The following GLI3 variants were observed in gnomAD, a reference collection of about 807,000 sequenced individuals.
The protein encoded by GLI3 is GLI family zinc finger 3.
Under a neutral mutation model 100.8 loss-of-function variants are expected in GLI3, and 20 were observed. The observed-to-expected ratio is 0.20, with a 90% CI of 0.14 to 0.29. GLI3 has a LOEUF of 0.29. Among genes scored for constraint, GLI3 ranks in the 10% least tolerant of loss-of-function variants. The probability of loss-of-function intolerance (pLI) is 1.00; values close to 1 mark genes in which losing one functional copy is unlikely to be tolerated. For missense variants in GLI3, 2,040 were observed against 2,128.5 expected (o/e 0.96, Z 0.82); for synonymous variants, 938 against 860.5 (o/e 1.09, Z -1.58).
At chr7:41,968,693 GA>G (rs1210102534) in intron 13 of GLI3, among the ~76,000 whole-genome samples, 5 of 112,138 alleles carry the variant, frequency 4.5e-5, no homozygotes, top group South Asian at 6.2e-4. Flanking sequence ...AAAGAAGAAA[GA>G]AAGAAAGAAA....
chr7:42,223,184 A>C lies in GLI3; in HGVS notation c.70T>G (p.Ser24Ala). ...TTCTCGCTCACATCTGTTCGAGTGG[A>C]GCACTTCACTATGGAATTCTCAACT... is the stretch of plus-strand genomic sequence containing the variant. ...KKVENSIVKC[S>A]TRTDVSEKAV... Residue 24 changes from serine to alanine, a missense_variant, in exon 2 of 15, where the codon TCC becomes GCC. Physicochemically the swap from Ser to Ala is moderately conservative, Grantham distance 99. Coordinates refer to ENST00000395925, the MANE Select transcript of GLI3 (RefSeq NM_000168.6). 1 of 1,613,880 alleles carries C rather than the reference A, an allele frequency of 6.2e-7. No individual in the cohort carries two copies. The highest frequency in any genetic ancestry group is 8.5e-7 in the Non-Finnish European group (1 of 1,179,828).
chr7:42,024,518 A>G (rs747887122), intron 9 of GLI3, among the ~76,000 whole-genome samples: 1 of 152,220 alleles, frequency 6.6e-6, no homozygotes, highest in African/African-American at 2.4e-5. Context: ...AAGCAGCCTG[A>G]TGACAGCAAG....
At chr7:42,115,103 T>G (rs1037800931) in intron 3 of GLI3, among the ~76,000 whole-genome samples, 9 of 151,940 alleles carry the variant, frequency 5.9e-5, no homozygotes, top group African/African-American at 2.2e-4. Flanking sequence ...GTAAACCTTT[T>G]TCTTGTGTTG....
In GLI3 at chr7:42,223,225, G is replaced by A; in HGVS notation, c.29C>T (p.Thr10Ile). MEAQSHSST[T>I]TEKKKVENSI... is the part of the protein sequence containing the mutation. ...ATTCTCAACTTTTTTCTTTTCAGTG[G>A]TCGTGGAGCTGTGGGACTGGGCCTC... is the stretch of plus-strand genomic sequence containing the variant. The change falls in exon 2 of 15, where the codon ACC (threonine) becomes ATC (isoleucine). Residue 10 changes from threonine to isoleucine, a missense_variant. Physicochemically the swap from Thr to Ile is moderately conservative, Grantham distance 89. Transcript: ENST00000395925. 6.2e-7 allele frequency: 1 copy of A among 1,613,464 alleles called. No homozygotes were observed. The highest frequency in any genetic ancestry group is 8.5e-7 in the Non-Finnish European group (1 of 1,179,618).
At chr7:42,218,947 A>T (rs558567873) in intron 2 of GLI3, among the ~76,000 whole-genome samples, 41 of 152,344 alleles carry the variant, frequency 2.7e-4, no homozygotes, top group Non-Finnish European at 4.6e-4. Flanking sequence ...TTGAAAAGTC[A>T]GTATTTGCAA....
intron 8 of GLI3, among the ~76,000 whole-genome samples, chr7:42,025,881 T>C (rs913252164): frequency 6.6e-6 from 1 of 152,152 alleles, no homozygotes; most frequent in African/African-American, 2.4e-5. Context: ...AGTGACCAAA[T>C]GAGAGCAATG....
intron 2 of GLI3, among the ~76,000 whole-genome samples, chr7:42,205,761 A>T (rs1201331634): frequency 6.6e-6 from 1 of 152,214 alleles, no homozygotes; most frequent in African/African-American, 2.4e-5. Context: ...TTTCCTACGT[A>T]TTTTCTTATA....
At chr7:42,141,042 G>A (rs1162613489) in intron 3 of GLI3, among the ~76,000 whole-genome samples, 1 of 152,126 alleles carries the variant, frequency 6.6e-6, no homozygotes, top group Non-Finnish European at 1.5e-5. Flanking sequence ...TAATTACATG[G>A]AATCTTTAAG....
At chr7:41,996,202 T>C (rs1788119326) in intron 10 of GLI3, among the ~76,000 whole-genome samples, 1 of 152,226 alleles carries the variant, frequency 6.6e-6, no homozygotes, top group Non-Finnish European at 1.5e-5. Flanking sequence ...TCCCTCTTTA[T>C]TTTGGTCTTG....
At chr7:42,237,402 C>T (rs1788831662), upstream of GLI3, among the ~76,000 whole-genome samples, 1 of 152,142 alleles carries the variant, frequency 6.6e-6, no homozygotes, top group Non-Finnish European at 1.5e-5. Context: ...TCCTGGCATC[C>T]AATCGACTTT....
At chr7:42,180,632 T>C (rs952274706) in intron 2 of GLI3, among the ~76,000 whole-genome samples, 1 of 152,150 alleles carries the variant, frequency 6.6e-6, no homozygotes, top group Non-Finnish European at 1.5e-5. Context: ...AGCCAAACAG[T>C]TCGAACAGCT....
At chr7:42,238,758 C>A (rs1300033296), upstream of GLI3, among the ~76,000 whole-genome samples, 1 of 152,078 alleles carries the variant, frequency 6.6e-6, no homozygotes, top group Admixed American at 6.5e-5. Context: ...AAGGAGTTCT[C>A]GGGGGGAAAC....
chr7:42,023,422 G>A, intron 10 of GLI3, 46 bp downstream of exon 10: 1 of 1,605,864 alleles, frequency 6.2e-7, no homozygotes, highest in Non-Finnish European at 8.5e-7. Flanking sequence ...TCCCTGGAAA[G>A]TGTCACAGAG....
chr7:41,974,368 C>T (rs887914476), intron 12 of GLI3, among the ~76,000 whole-genome samples: 9 of 152,174 alleles, frequency 5.9e-5, no homozygotes, highest in African/African-American at 1.4e-4. Flanking sequence ...GTATACCTCA[C>T]AACAACATAA....
chr7:42,148,428 T>G lies in GLI3; in HGVS notation c.165A>C (p.Arg55Ser). The stretch of plus-strand genomic sequence containing the variant: ...TCTGTGGCTGCATAGTGATTGCGTT[T>G]CTTCTCTCTCTGTGATAAGTCTGTC... ...SPGQTYHRER[R>S]NAITMQPQNV... is the part of the protein sequence containing the mutation. The change falls in exon 3 of 15, where the codon AGA (arginine) becomes AGC (serine). Residue 55 changes from arginine to serine, a missense_variant. Physicochemically the swap from Arg to Ser is moderately radical, Grantham distance 110. Transcript: ENST00000395925. The G allele has an allele frequency of 6.2e-7, 1 of 1,614,014 alleles. No individual in the cohort carries two copies. Among genetic ancestry groups the G allele is most frequent in the East Asian group, 2.2e-5 (1 of 44,880 alleles).
intron 3 of GLI3, among the ~76,000 whole-genome samples, chr7:42,104,778 T>A (rs1304474883): frequency 6.6e-6 from 1 of 151,836 alleles, no homozygotes; most frequent in African/African-American, 2.4e-5. Flanking sequence ...ATGAATGGGG[T>A]TCCTTTTAAA....
intron 10 of GLI3, among the ~76,000 whole-genome samples, chr7:42,011,802 C>A (rs1030759533): frequency 6.6e-6 from 1 of 152,142 alleles, no homozygotes; most frequent in African/African-American, 2.4e-5. Flanking sequence ...ACAGAGCTGC[C>A]TTGTGGGGTG....
At chr7:42,025,002 C>T (rs184633227) in intron 9 of GLI3, among the ~76,000 whole-genome samples, 319 of 152,294 alleles carry the variant, frequency 2.1e-3, no homozygotes, top group Non-Finnish European at 3.9e-3. Flanking sequence ...TGCCAATACT[C>T]CCAAGCTGCC....
chr7:42,026,130 C>G (rs2128731943), intron 8 of GLI3, 69 bp downstream of exon 8: 1 of 990,986 alleles, frequency 1.0e-6, no homozygotes, highest in South Asian at 1.4e-5. Context: ...TGATTAACAG[C>G]TGACGTGGTG....
Sources: allele counts gnomAD v4.1 joint callset (sites outside exome capture counted in the v4.1 genomes callset), GRCh38; gene constraint gnomAD v4.1.1; transcripts MANE v1.5; gene names NCBI Gene and HGNC (gene_info 2026-07-23, HGNC 2026-07-21).